The following CDH23 variants were observed in gnomAD, a reference collection of about 807,000 sequenced individuals.
CDH23 encodes cadherin related 23.
Under a neutral mutation model 317.1 loss-of-function variants are expected in CDH23, and 189 were observed. The observed-to-expected ratio is 0.60, with a 90% CI of 0.53 to 0.67. The LOEUF (loss-of-function observed/expected upper bound fraction) is 0.67. CDH23 is among the 30% of genes least tolerant of loss of function. CDH23 has a pLI of 0.00. For synonymous variants in CDH23, 1,839 were observed against 1,876.8 expected (o/e 0.98, Z 0.52); for missense variants, 4,401 against 4,592.4 (o/e 0.96, Z 1.20).
chr10:71,774,051 GCA>G (rs57159718), intron 38 of CDH23, among the ~76,000 whole-genome samples: 17,334 of 88,320 alleles, frequency 0.2, 1,160 homozygotes, highest in East Asian at 0.35. Flanking sequence ...ATGCGCGCGC[GCA>G]CACACACACA....
At chr10:71,698,961 A>C (rs1008715978) in intron 22 of CDH23, among the ~76,000 whole-genome samples, 11 of 152,144 alleles carry the variant, frequency 7.2e-5, no homozygotes, top group African/African-American at 2.7e-4. Flanking sequence ...CTTCTCATCT[A>C]AAAAATAGGG....
intron 14 of CDH23, chr10:71,647,014 G>C: frequency 1.0e-6 from 1 of 985,296 alleles, no homozygotes; most frequent in South Asian, 4.7e-5. Context: ...CGCCTGGAGG[G>C]TACCGGGGCA....
Position 71,784,614 on chromosome 10 carries a change from G to A in CDH23, c.5502+194G>A, listed in dbSNP as rs551157079. On this transcript the variant is annotated intron_variant, in intron 42 of 69. Transcript: ENST00000224721. ...CTCTTTGGGGAGGCTGCCTTTCAGC[G>A]CCCCTCTGCACCCAACCCCTGCCCC... Among the ~76,000 whole-genome samples, 12 of 152,244 alleles carry A rather than the reference G, an allele frequency of 7.9e-5. No individual in the cohort carries two copies. In the South Asian group the frequency reaches 2.1e-3, roughly 26 times the overall value.
intron 30 of CDH23, among the ~76,000 whole-genome samples, chr10:71,729,646 A>G (rs539809423): frequency 2.6e-5 from 4 of 152,322 alleles, no homozygotes; most frequent in South Asian, 2.1e-4. Context: ...AAGGTGCACA[A>G]GTAAAGAGTA....
At chr10:71,669,477 C>T (rs1240532472) in intron 14 of CDH23, among the ~76,000 whole-genome samples, 12 of 149,244 alleles carry the variant, frequency 8.0e-5, no homozygotes, top group Non-Finnish European at 1.6e-4. Context: ...AAGATGGAGT[C>T]GCATTCTGTC....
intron 1 of CDH23, among the ~76,000 whole-genome samples, chr10:71,409,088 G>A (rs142339593): frequency 1.3e-5 from 2 of 152,332 alleles, no homozygotes; most frequent in East Asian, 1.9e-4. Flanking sequence ...TGGAACAGAC[G>A]TGTGATGTCA....
intron 14 of CDH23, among the ~76,000 whole-genome samples, chr10:71,662,752 T>C (rs1863730744): frequency 6.6e-6 from 1 of 152,192 alleles, no homozygotes; most frequent in Admixed American, 6.5e-5. Flanking sequence ...AGCTTCTTGC[T>C]CCCTTGCCCC....
intron 3 of CDH23, among the ~76,000 whole-genome samples, chr10:71,480,779 G>T (rs545130509): frequency 2.0e-5 from 3 of 151,648 alleles, no homozygotes; most frequent in South Asian, 4.2e-4. Context: ...GCGGCTGTGT[G>T]GTCTCGGCTC....
At chr10:71,504,639 G>C (rs1490463674) in intron 3 of CDH23, among the ~76,000 whole-genome samples, 1 of 152,200 alleles carries the variant, frequency 6.6e-6, no homozygotes, top group Non-Finnish European at 1.5e-5. Context: ...TTCCCCATGA[G>C]GGTAGGAGAG....
chr10:71,515,403 C>A (rs1410006064), intron 6 of CDH23, among the ~76,000 whole-genome samples: 6 of 151,508 alleles, frequency 4.0e-5, no homozygotes, highest in Admixed American at 1.3e-4. Context: ...CTCACACACA[C>A]ACACACACAC....
At chr10:71,810,634 G>A in intron 62 of CDH23, 65 bp downstream of exon 62, 1 of 1,460,740 alleles carries the variant, frequency 6.8e-7, no homozygotes, top group Non-Finnish European at 9.6e-7. Flanking sequence ...CCCTGGAGTA[G>A]GGGAGGGGAC....
chr10:71,555,515 C>T (rs1003938745), intron 6 of CDH23, among the ~76,000 whole-genome samples: 1 of 152,206 alleles, frequency 6.6e-6, no homozygotes. Context: ...ATGCATGATA[C>T]CCTCTGCTGC....
At position 71,815,096 on chromosome 10, in the gene CDH23, A is replaced by C. The variant is rs781716568; in HGVS notation, c.9883A>C (p.Thr3295Pro). 1.6e-5 allele frequency: 25 copies of C among 1,611,174 alleles called. No homozygotes were observed. The Admixed American group carries it at 3.2e-4, about 20-fold the overall frequency. ...CGGCAGCACGGGCACGCTGCTGGCC[A>C]CCGACCTCAACAGCCTGCCCGAGGA... ...VHGSTGTLLA[T>P]DLNSLPEEDQ... The change falls in exon 70 of 70, where the codon ACC (threonine) becomes CCC (proline). Residue 3295 changes from threonine (T) to proline (P), a missense_variant. Thr to Pro is a conservative substitution (Grantham distance 38, BLOSUM62 -1). Coordinates refer to ENST00000224721, the MANE Select transcript of CDH23 (RefSeq NM_022124.6).
chr10:71,677,371 G>A, intron 15 of CDH23, 85 bp from the exon 16 acceptor site: 1 of 1,078,544 alleles, frequency 9.3e-7, no homozygotes, highest in Non-Finnish European at 1.4e-6. Flanking sequence ...CTCTGGGCAA[G>A]GACAGGCTGG....
At chr10:71,647,111 G>T (rs868273061) in intron 14 of CDH23, 2 of 982,104 alleles carry the variant, frequency 2.0e-6, no homozygotes, top group Middle Eastern at 5.2e-4. Flanking sequence ...GGTTGCAAGG[G>T]ACAGAAACCC....
chr10:71,779,208 G>C, intron 40 of CDH23, 59 bp from the exon 41 acceptor site: 1 of 1,526,312 alleles, frequency 6.6e-7, no homozygotes, highest in Non-Finnish European at 9.1e-7. Context: ...GGAAGGAACT[G>C]AGGCCCAGCA....
At chr10:71,570,036 G>A (rs1182688744) in intron 7 of CDH23, among the ~76,000 whole-genome samples, 1 of 152,102 alleles carries the variant, frequency 6.6e-6, no homozygotes, top group Non-Finnish European at 1.5e-5. Flanking sequence ...GAGCAGCTGG[G>A]ACTACAGATG....
intron 17 of CDH23, among the ~76,000 whole-genome samples, chr10:71,680,762 A>G (rs1284190042): frequency 1.5e-5 from 2 of 131,392 alleles, no homozygotes; most frequent in African/African-American, 5.3e-5. Flanking sequence ...AAAAAAAAAA[A>G]AGAAAAAGAA....
intron 11 of CDH23, among the ~76,000 whole-genome samples, chr10:71,629,422 G>T (rs1366881788): frequency 6.6e-6 from 1 of 152,234 alleles, no homozygotes; most frequent in Non-Finnish European, 1.5e-5. Context: ...GGCAGGTGCA[G>T]TGGCTCTGCA....
Sources: gnomAD v4.1 joint callset for allele counts (sites outside exome capture counted in the v4.1 genomes callset) on GRCh38, gnomAD v4.1.1 for gene constraint, MANE v1.5 for transcripts, NCBI Gene and HGNC (gene_info 2026-07-23, HGNC 2026-07-21) for gene names.